TNKS: variants seen among roughly 807,000 people sequenced by gnomAD.
The protein encoded by TNKS is poly [ADP-ribose] polymerase tankyrase-1.
TNKS carries 72 observed loss-of-function variants against 135.8 expected under a neutral mutation model. The observed-to-expected ratio is 0.53, with a 90% CI of 0.44 to 0.64. The LOEUF (loss-of-function observed/expected upper bound fraction) is 0.64. Among genes scored for constraint, TNKS ranks in the 30% least tolerant of loss-of-function variants. The pLI is 0.00. For synonymous variants in TNKS, 849 were observed against 649.3 expected, an observed-to-expected ratio of 1.31 and a Z score of -4.68; for missense variants, 1,769 against 1,674.0, an observed-to-expected ratio of 1.06 and a Z score of -0.99.
chr8:9,757,958 C>G (rs958195525), intron 20 of TNKS, among the ~76,000 whole-genome samples: 1 of 152,142 alleles, frequency 6.6e-6, no homozygotes, highest in Admixed American at 6.5e-5. Flanking sequence ...AAATTGGACA[C>G]CATGTAACTC....
intron 2 of TNKS, among the ~76,000 whole-genome samples, chr8:9,587,706 C>G (rs1449620029): frequency 6.6e-6 from 1 of 152,114 alleles, no homozygotes; most frequent in African/African-American, 2.4e-5. Context: ...CTGGCCGACA[C>G]TTTGATTTTA....
intron 14 of TNKS, among the ~76,000 whole-genome samples, chr8:9,732,522 C>T (rs1805495465): frequency 6.7e-6 from 1 of 149,972 alleles, no homozygotes; most frequent in Non-Finnish European, 1.5e-5. Flanking sequence ...CATTGGAGAG[C>T]AATCAGCATT....
At chr8:9,564,765 C>G (rs772104913) in intron 1 of TNKS, among the ~76,000 whole-genome samples, 1 of 152,144 alleles carries the variant, frequency 6.6e-6, no homozygotes, top group African/African-American at 2.4e-5. Context: ...TTAATAGATA[C>G]TTATAGTAAG....
intron 3 of TNKS, among the ~76,000 whole-genome samples, chr8:9,642,056 T>G (rs1800750136): frequency 6.8e-6 from 1 of 146,264 alleles, no homozygotes; most frequent in South Asian, 2.2e-4. Flanking sequence ...AGTGTTTGGC[T>G]TAAATCTTTT....
At chr8:9,743,041 G>T (rs545247910) in intron 17 of TNKS, among the ~76,000 whole-genome samples, 3 of 152,158 alleles carry the variant, frequency 2.0e-5, no homozygotes, top group South Asian at 2.1e-4. Flanking sequence ...TAGGACTCCA[G>T]TCTACATTTC....
At chr8:9,698,481 T>G (rs1424901537) in intron 5 of TNKS, among the ~76,000 whole-genome samples, 1 of 151,986 alleles carries the variant, frequency 6.6e-6, no homozygotes, top group Non-Finnish European at 1.5e-5. Flanking sequence ...CCGTATTATG[T>G]ACTTTGTACA....
chr8:9,751,897 C>T (rs1792304327), intron 19 of TNKS, 51 bp downstream of exon 19: 1 of 1,550,728 alleles, frequency 6.4e-7, no homozygotes, highest in Admixed American at 1.7e-5. Flanking sequence ...GTTAGTGGAG[C>T]AGAATGACTT....
intron 3 of TNKS, 192 bp from the exon 4 acceptor site, chr8:9,679,759 A>G (rs895236226): frequency 9.8e-6 from 5 of 511,762 alleles, no homozygotes; most frequent in Non-Finnish European, 1.8e-5. Context: ...AGCTGCGTCA[A>G]TTTGCTGCCC....
chr8:9,722,692 A>T (rs1162261837), intron 12 of TNKS, among the ~76,000 whole-genome samples: 1 of 152,054 alleles, frequency 6.6e-6, no homozygotes, highest in African/African-American at 2.4e-5. Flanking sequence ...AAAAGTTGTG[A>T]TTTTTGTTAA....
intron 2 of TNKS, among the ~76,000 whole-genome samples, chr8:9,583,308 C>G (rs1285783321): frequency 1.3e-5 from 2 of 151,584 alleles, no homozygotes; most frequent in Non-Finnish European, 2.9e-5. Context: ...ATTAAACAAA[C>G]TACTTAAGAC....
chr8:9,625,637 G>T (rs182830281), intron 3 of TNKS, among the ~76,000 whole-genome samples: 2 of 151,984 alleles, frequency 1.3e-5, no homozygotes, highest in South Asian at 4.1e-4. Context: ...TTGAGATTTC[G>T]TCTTTAACCC....
intron 17 of TNKS, among the ~76,000 whole-genome samples, 168 bp downstream of exon 17, chr8:9,735,654 G>T (rs1318432671): frequency 6.6e-6 from 1 of 152,090 alleles, no homozygotes; most frequent in East Asian, 1.9e-4. Flanking sequence ...CAAAAAATTA[G>T]ACGGGCATAG....
At chr8:9,654,403 T>A (rs1182562346) in intron 3 of TNKS, among the ~76,000 whole-genome samples, 2 of 152,148 alleles carry the variant, frequency 1.3e-5, no homozygotes, top group Admixed American at 6.5e-5. Context: ...CAAAAAAAAA[T>A]TAAATTTTAA....
chr8:9,652,391 A>AT (rs897497037), intron 3 of TNKS, among the ~76,000 whole-genome samples: 22 of 152,186 alleles, frequency 1.4e-4, no homozygotes, highest in African/African-American at 5.3e-4. Flanking sequence ...CTTGGAAATT[A>AT]TTTAAGGCCC....
At chr8:9,773,253 TAAAC>T (rs1271394783) in intron 26 of TNKS, among the ~76,000 whole-genome samples, 2 of 152,136 alleles carry the variant, frequency 1.3e-5, no homozygotes, top group Non-Finnish European at 2.9e-5. Context: ...ATAAAAAATT[TAAAC>T]AACCTAAATA....
chr8:9,685,285 G>A (rs954996119), intron 5 of TNKS, among the ~76,000 whole-genome samples: 3 of 152,110 alleles, frequency 2.0e-5, no homozygotes, highest in African/African-American at 7.2e-5. Flanking sequence ...GAGGGATTGG[G>A]TTCTATTCTG....
intron 3 of TNKS, among the ~76,000 whole-genome samples, chr8:9,649,479 A>AT (rs1209127488): frequency 1.3e-5 from 2 of 152,082 alleles, no homozygotes; most frequent in Admixed American, 1.3e-4. Context: ...TAATTTTTTA[A>AT]TTTTTTTTTC....
At chr8:9,680,851 G>C (rs761196769) in intron 5 of TNKS, 51 bp downstream of exon 5, 2 of 1,432,364 alleles carry the variant, frequency 1.4e-6, no homozygotes, top group Non-Finnish European at 2.0e-6. Flanking sequence ...TCAAAATTTT[G>C]TGAATGTGGC....
Position 9,769,330 on chromosome 8 carries a change from A to C in TNKS, c.3741-776A>C, listed in dbSNP as rs949888632. 2.6e-5 allele frequency among the ~76,000 whole-genome samples: 4 copies of C among 152,332 alleles called. No homozygotes were observed. In the East Asian group the frequency reaches 7.7e-4, roughly 29 times the overall value. ...CAGTCAGTCTTTCTTACTCTGTGAT[A>C]CTTAACATCTGCTCTAATTCAGGTT... On this transcript the variant is annotated intron_variant, in intron 25 of 26. Transcript: ENST00000310430.
Sources: gnomAD v4.1 joint callset for allele counts (sites outside exome capture counted in the v4.1 genomes callset) on GRCh38, gnomAD v4.1.1 for gene constraint, MANE v1.5 for transcripts, NCBI Gene and HGNC (gene_info 2026-07-23, HGNC 2026-07-21) for gene names.